SDK1: variants seen among roughly 807,000 people sequenced by gnomAD.
SDK1 encodes sidekick cell adhesion molecule 1.
In SDK1, 157 loss-of-function variants were observed where a neutral mutation model predicts 245.5. The ratio of observed to expected loss-of-function variants is 0.64; its 90% CI spans 0.56 to 0.73. SDK1 has a LOEUF of 0.73. SDK1 is among the 30% of genes least tolerant of loss of function. SDK1 has a pLI of 0.00. For synonymous variants in SDK1, 1,647 were observed against 1,278.5 expected (o/e 1.29, Z -6.15); for missense variants, 3,583 against 3,002.3 (o/e 1.19, Z -4.52).
chr7:3,574,764 C>G (rs533502096), intron 1 of SDK1, among the ~76,000 whole-genome samples: 6 of 152,144 alleles, frequency 3.9e-5, no homozygotes, highest in South Asian at 2.1e-4. Context: ...ACGAAACAAA[C>G]CAACTACTCA....
chr7:3,656,144 G>C (rs543564131), intron 4 of SDK1, among the ~76,000 whole-genome samples: 2 of 152,250 alleles, frequency 1.3e-5, no homozygotes, highest in African/African-American at 4.8e-5. Context: ...TTTGCATAAT[G>C]AATTTTCAGC....
chr7:4,226,866 A>G (rs988902723), intron 40 of SDK1, among the ~76,000 whole-genome samples: 2 of 152,006 alleles, frequency 1.3e-5, no homozygotes, highest in South Asian at 2.1e-4. Flanking sequence ...CTATAAATAT[A>G]TTTTCCTCTC....
intron 19 of SDK1, 83 bp from the exon 20 acceptor site, chr7:4,067,755 A>G (rs750664192): frequency 2.1e-6 from 2 of 974,264 alleles, no homozygotes; most frequent in Non-Finnish European, 1.6e-6. Flanking sequence ...CTTTCCTTCC[A>G]TAGTTAGAAC....
chr7:4,120,041 CTG>C (rs1472016527), intron 25 of SDK1, among the ~76,000 whole-genome samples: 1 of 148,882 alleles, frequency 6.7e-6, no homozygotes, highest in African/African-American at 2.5e-5. Flanking sequence ...AGTTTAGACA[CTG>C]TCAAAAAGAG....
At chr7:3,552,965 T>TC (rs1359793749) in intron 1 of SDK1, among the ~76,000 whole-genome samples, 3 of 152,244 alleles carry the variant, frequency 2.0e-5, no homozygotes, top group Admixed American at 2.0e-4. Context: ...TTTCTGTTTT[T>TC]CTTATTACAT....
chr7:3,367,813 T>A (rs898222180), intron 1 of SDK1, among the ~76,000 whole-genome samples: 14 of 152,256 alleles, frequency 9.2e-5, no homozygotes, highest in Non-Finnish European at 1.5e-4. Flanking sequence ...ATTGTTTAGA[T>A]GATGATTAGG....
chr7:3,477,807 C>G (rs1450285649), intron 1 of SDK1, among the ~76,000 whole-genome samples: 2 of 152,196 alleles, frequency 1.3e-5, no homozygotes, highest in African/African-American at 2.4e-5. Context: ...AGGTACCACA[C>G]CTGGCCTGCT....
intron 17 of SDK1, among the ~76,000 whole-genome samples, chr7:4,029,341 G>A (rs919282582): frequency 1.3e-5 from 2 of 150,786 alleles, no homozygotes; most frequent in Admixed American, 1.3e-4. Flanking sequence ...CTCCTGAGTA[G>A]CTGGGATTAT....
At chr7:3,549,612 T>C (rs933585343) in intron 1 of SDK1, among the ~76,000 whole-genome samples, 2 of 152,230 alleles carry the variant, frequency 1.3e-5, no homozygotes, top group African/African-American at 4.8e-5. Context: ...AGTTACCTGG[T>C]CTCAGGGCAG....
rs190615481 is a variant in SDK1, at chr7:3,617,314, G to C, written c.299-1766G>C. On this transcript the variant is annotated intron_variant, in intron 1 of 44. Transcript: ENST00000404826. ...GAATTCAGAAGTGATCAAGACTAAT[G>C]TACTGTAGAGTAACCTACAAACACT... Among the ~76,000 whole-genome samples the C allele has an allele frequency of 1.1e-4, 17 of 152,316 alleles. No individual in the cohort carries two copies. The East Asian group carries it at 3.1e-3, about 28-fold the overall frequency.
intron 4 of SDK1, among the ~76,000 whole-genome samples, chr7:3,795,598 T>C (rs1778943612): frequency 6.6e-6 from 1 of 152,132 alleles, no homozygotes; most frequent in African/African-American, 2.4e-5. Flanking sequence ...GTCTTCCAGC[T>C]GGCATTCTCT....
intron 5 of SDK1, among the ~76,000 whole-genome samples, chr7:3,855,054 G>A (rs1250602126): frequency 6.6e-6 from 1 of 152,084 alleles, no homozygotes; most frequent in Admixed American, 6.5e-5. Flanking sequence ...CTGCCCACTT[G>A]TGACAGCTAT....
chr7:3,650,846 T>C (rs1782992630), intron 4 of SDK1, among the ~76,000 whole-genome samples: 2 of 151,080 alleles, frequency 1.3e-5, no homozygotes, highest in Non-Finnish European at 1.5e-5. Flanking sequence ...TTTTTTAACT[T>C]AGTATAATTC....
At chr7:3,546,643 G>T (rs184325924) in intron 1 of SDK1, among the ~76,000 whole-genome samples, 40 of 151,938 alleles carry the variant, frequency 2.6e-4, no homozygotes, top group African/African-American at 9.4e-4. Flanking sequence ...ACACGCTGTG[G>T]TGGGCTGCCC....
chr7:3,639,134 C>G (rs202233603), intron 3 of SDK1, 24 bp downstream of exon 3: 5 of 1,376,416 alleles, frequency 3.6e-6, no homozygotes, highest in Admixed American at 1.8e-5. Flanking sequence ...AAGGAGATGT[C>G]CAAATGTTAA....
chr7:3,461,108 A>G (rs1780818434), intron 1 of SDK1, among the ~76,000 whole-genome samples: 1 of 152,040 alleles, frequency 6.6e-6, no homozygotes, highest in African/African-American at 2.4e-5. Context: ...ATGATGGTTG[A>G]TGTGTTGTAC....
At chr7:3,505,907 T>G (rs1014867542) in intron 1 of SDK1, among the ~76,000 whole-genome samples, 1 of 152,246 alleles carries the variant, frequency 6.6e-6, no homozygotes, top group Non-Finnish European at 1.5e-5. Context: ...TATTTCTTCC[T>G]TCCTGCCCCT....
chr7:3,431,381 T>TTTTTTA lies in SDK1; in HGVS notation c.298+129497_298+129498insTTTTTA, dbSNP rs1244835106. Among the ~76,000 whole-genome samples, 808 of 148,112 alleles carry TTTTTTA rather than the reference T, an allele frequency of 5.5e-3. 6 individuals carry two copies. Among genetic ancestry groups the TTTTTTA allele is most frequent in the African/African-American group, 0.019 (762 of 39,334 alleles). On this transcript the variant is annotated intron_variant, in intron 1 of 44. Coordinates refer to ENST00000404826, the MANE Select transcript of SDK1 (RefSeq NM_152744.4). ...AGGTTTTTTTTTTTTTTTTTTTTTT[T>TTTTTTA]AAAGCAAATTCATTTTACTTAGCCA...
intron 4 of SDK1, chr7:3,642,997 T>C (rs1230727256): frequency 6.6e-6 from 1 of 152,260 alleles, no homozygotes; most frequent in African/African-American, 2.4e-5. Context: ...AAATAGATTT[T>C]ACATCTAACT....
Sources: allele counts gnomAD v4.1 joint callset (sites outside exome capture counted in the v4.1 genomes callset), GRCh38; gene constraint gnomAD v4.1.1; transcripts MANE v1.5; gene names NCBI Gene and HGNC (gene_info 2026-07-23, HGNC 2026-07-21).